Variants in SYN3 observed in about 807,000 individuals in gnomAD.
The protein encoded by SYN3 is synapsin-3.
In SYN3, 35 loss-of-function variants were observed where a neutral mutation model predicts 65.8. The observed-to-expected ratio is 0.53, with a 90% CI of 0.41 to 0.70. The LOEUF is 0.70. Among genes scored for constraint, SYN3 ranks in the 30% least tolerant of loss-of-function variants. The probability of loss-of-function intolerance (pLI) is 0.00; values close to 1 mark genes in which losing one functional copy is unlikely to be tolerated. For synonymous variants in SYN3, 270 were observed against 292.9 expected, an observed-to-expected ratio of 0.92 and a Z score of 0.80; for missense variants, 680 against 749.0, an observed-to-expected ratio of 0.91 and a Z score of 1.08.
intron 7 of SYN3, among the ~76,000 whole-genome samples, chr22:32,570,701 A>C (rs1279161330): frequency 6.6e-6 from 1 of 151,960 alleles, no homozygotes; most frequent in African/African-American, 2.4e-5. Context: ...CATCTGGTCA[A>C]CCCTCTCATT....
intron 1 of SYN3, among the ~76,000 whole-genome samples, chr22:33,044,210 C>T (rs2054017377): frequency 6.6e-6 from 1 of 152,134 alleles, no homozygotes. Context: ...CAACGCAGGC[C>T]CAAAGCGGTA....
intron 6 of SYN3, among the ~76,000 whole-genome samples, chr22:32,632,751 G>A (rs1165075696): frequency 6.6e-6 from 1 of 152,172 alleles, no homozygotes; most frequent in Admixed American, 6.5e-5. Context: ...AGGTTTGATT[G>A]TATTACTGGT....
chr22:33,013,558 A>C (rs566517505), intron 1 of SYN3, among the ~76,000 whole-genome samples: 2 of 152,130 alleles, frequency 1.3e-5, no homozygotes, highest in Non-Finnish European at 2.9e-5. Context: ...TTTTCTGTGG[A>C]AAAAAAATTT....
chr22:32,829,906 A>G (rs1569258136), intron 6 of SYN3, among the ~76,000 whole-genome samples: 1 of 152,178 alleles, frequency 6.6e-6, no homozygotes, highest in Non-Finnish European at 1.5e-5. Context: ...CTTAAATGAG[A>G]AATGAGCATT....
At chr22:32,572,326 T>C (rs1043631029) in intron 7 of SYN3, among the ~76,000 whole-genome samples, 2 of 102,526 alleles carry the variant, frequency 2.0e-5, no homozygotes, top group Non-Finnish European at 3.7e-5. Flanking sequence ...TTCCCTTCCT[T>C]CCGTCCCTCC....
intron 6 of SYN3, among the ~76,000 whole-genome samples, chr22:32,706,855 A>C (rs565573494): frequency 6.6e-6 from 1 of 151,914 alleles, no homozygotes; most frequent in African/African-American, 2.4e-5. Flanking sequence ...TCTGTTCCCA[A>C]ATTGCTCACC....
intron 12 of SYN3, among the ~76,000 whole-genome samples, chr22:32,525,490 G>A (rs953841410): frequency 9.9e-5 from 15 of 152,140 alleles, no homozygotes; most frequent in African/African-American, 3.4e-4. Flanking sequence ...GGCGGATCAC[G>A]AGGTCGGGAG....
At chr22:32,539,943 TATCACCCCGAGGCCATCTG>T (rs2058227293) in intron 8 of SYN3, among the ~76,000 whole-genome samples, 1 of 152,168 alleles carries the variant, frequency 6.6e-6, no homozygotes, top group Non-Finnish European at 1.5e-5. Flanking sequence ...GAGGTGATTT[TATCACCCCGAGGCCATCTG>T]AGAGCAGTGG....
At chr22:32,628,760 A>C (rs2059705860) in intron 6 of SYN3, among the ~76,000 whole-genome samples, 1 of 152,110 alleles carries the variant, frequency 6.6e-6, no homozygotes, top group Non-Finnish European at 1.5e-5. Flanking sequence ...AAAAAAAAAA[A>C]ACCTCACTCA....
At chr22:33,018,130 T>C (rs2053500364) in intron 1 of SYN3, among the ~76,000 whole-genome samples, 2 of 152,320 alleles carry the variant, frequency 1.3e-5, no homozygotes, top group East Asian at 1.9e-4. Context: ...TGTGTAGAAA[T>C]AGACCTAGAG....
At chr22:32,708,333 A>G (rs1168954663) in intron 6 of SYN3, among the ~76,000 whole-genome samples, 1 of 152,212 alleles carries the variant, frequency 6.6e-6, no homozygotes, top group Non-Finnish European at 1.5e-5. Flanking sequence ...TTATCTGCAG[A>G]CAATGCAGCC....
At chr22:32,917,027 CA>C (rs1236877018) in intron 4 of SYN3, among the ~76,000 whole-genome samples, 1 of 152,050 alleles carries the variant, frequency 6.6e-6, no homozygotes, top group Non-Finnish European at 1.5e-5. Context: ...GAAGGGTGTA[CA>C]AGACTAGTTG....
chr22:32,660,806 A>G (rs968499816), intron 6 of SYN3, among the ~76,000 whole-genome samples: 2 of 152,164 alleles, frequency 1.3e-5, no homozygotes, highest in East Asian at 1.9e-4. Flanking sequence ...GTCTTGGCCG[A>G]AAAAAAGTGA....
chr22:32,783,718 C>T (rs1203024812), intron 6 of SYN3, among the ~76,000 whole-genome samples: 1 of 152,308 alleles, frequency 6.6e-6, no homozygotes, highest in Middle Eastern at 3.4e-3. Context: ...TTTACTTGCT[C>T]TTTATCATTA....
chr22:32,884,818 A>G (rs772124205), intron 4 of SYN3, among the ~76,000 whole-genome samples: 36 of 152,232 alleles, frequency 2.4e-4, no homozygotes, highest in Non-Finnish European at 4.7e-4. Flanking sequence ...CGGAAGTTGC[A>G]GTGAGCCAAG....
At chr22:32,771,024 C>CTA (rs2045755266) in intron 6 of SYN3, among the ~76,000 whole-genome samples, 1 of 152,092 alleles carries the variant, frequency 6.6e-6, no homozygotes, top group African/African-American at 2.4e-5. Context: ...GCCCCACATG[C>CTA]ATTAGGTGTT....
chr22:32,965,745 A>G (rs886760466), intron 3 of SYN3, among the ~76,000 whole-genome samples: 3 of 152,060 alleles, frequency 2.0e-5, no homozygotes, highest in Non-Finnish European at 4.4e-5. Flanking sequence ...GCCCAGGCTG[A>G]AGTGAGTGGC....
At chr22:32,580,723 T>C (rs930594764) in intron 7 of SYN3, among the ~76,000 whole-genome samples, 1 of 152,176 alleles carries the variant, frequency 6.6e-6, no homozygotes, top group East Asian at 1.9e-4. Context: ...GCACTGCCCA[T>C]TCATTTACGT....
intron 4 of SYN3, among the ~76,000 whole-genome samples, chr22:32,885,779 T>A (rs2049272172): frequency 6.6e-6 from 1 of 152,150 alleles, no homozygotes; most frequent in Non-Finnish European, 1.5e-5. Flanking sequence ...TGGGCTGGTC[T>A]GGAACTCCTG....
Sources: allele counts gnomAD v4.1 joint callset (sites outside exome capture counted in the v4.1 genomes callset), GRCh38; gene constraint gnomAD v4.1.1; transcripts MANE v1.5; gene names NCBI Gene and HGNC (gene_info 2026-07-23, HGNC 2026-07-21).